MYO5B: variants seen among roughly 807,000 people sequenced by gnomAD.
The protein encoded by MYO5B is unconventional myosin-Vb.
In MYO5B, 143 loss-of-function variants were observed where a neutral mutation model predicts 229.3. The observed-to-expected ratio is 0.62, with a 90% CI of 0.54 to 0.72. MYO5B has a LOEUF of 0.72. Among genes scored for constraint, MYO5B ranks in the 30% least tolerant of loss-of-function variants. MYO5B has a pLI of 0.00. For missense variants in MYO5B, 2,321 were observed against 2,331.0 expected, an observed-to-expected ratio of 1.00 and a Z score of 0.09; for synonymous variants, 918 against 885.2, an observed-to-expected ratio of 1.04 and a Z score of -0.66.
chr18:49,974,538 A>G lies in MYO5B; in HGVS notation c.1134T>C (p.His378=). The G allele has an allele frequency of 9.3e-6, 15 of 1,614,114 alleles. No individual in the cohort carries two copies. The highest frequency in any genetic ancestry group is 1.3e-5 in the Non-Finnish European group (15 of 1,180,018). ...EHSQMEHWLC[H]RKLVTTSETY... ...TCTCCGAGGTGGTGACCAGCTTGCG[A>G]TGACACAGCCAGTGCTCCATCTGAC... Residue 378 remains histidine (H), a synonymous_variant, in exon 10 of 40, where the codon CAT becomes CAC. Transcript: ENST00000285039.
intron 1 of MYO5B, among the ~76,000 whole-genome samples, chr18:50,192,140 T>C (rs184077353): frequency 2.6e-5 from 4 of 151,692 alleles, no homozygotes; most frequent in East Asian, 1.9e-4. Flanking sequence ...GTAGAAACAA[T>C]AGCCAACACC....
At chr18:50,187,850 A>G (rs2033170172) in intron 1 of MYO5B, among the ~76,000 whole-genome samples, 1 of 152,156 alleles carries the variant, frequency 6.6e-6, no homozygotes, top group Non-Finnish European at 1.5e-5. Flanking sequence ...AGGTCATGAA[A>G]GACAAAAAAC....
chr18:49,917,988 G>A (rs1222722773), intron 17 of MYO5B, among the ~76,000 whole-genome samples: 5 of 152,198 alleles, frequency 3.3e-5, no homozygotes, highest in Admixed American at 3.3e-4. Context: ...AATATGGGAT[G>A]GGCCAGGACA....
At chr18:49,913,221 T>C (rs1378954131) in intron 17 of MYO5B, among the ~76,000 whole-genome samples, 1 of 152,234 alleles carries the variant, frequency 6.6e-6, no homozygotes, top group African/African-American at 2.4e-5. Context: ...GTTTTCCCCT[T>C]GGCCTCTGAA....
At chr18:50,012,288 T>C (rs147326159) in intron 4 of MYO5B, among the ~76,000 whole-genome samples, 124 of 152,296 alleles carry the variant, frequency 8.1e-4, no homozygotes, top group African/African-American at 2.9e-3. Flanking sequence ...GCAATTCAAA[T>C]ACCTTGTAAC....
intron 18 of MYO5B, among the ~76,000 whole-genome samples, chr18:49,909,914 C>T (rs1013179169): frequency 2.0e-5 from 3 of 152,138 alleles, no homozygotes; most frequent in African/African-American, 7.2e-5. Context: ...TAGGTAGGCT[C>T]CCCCTGCGTA....
chr18:50,188,816 A>ACCC (rs1236362807), intron 1 of MYO5B, among the ~76,000 whole-genome samples: 2 of 141,216 alleles, frequency 1.4e-5, no homozygotes, highest in African/African-American at 2.6e-5. Context: ...AAAAAAAAAA[A>ACCC]ACACACACAC....
chr18:50,046,470 C>T (rs867422212), intron 2 of MYO5B, among the ~76,000 whole-genome samples: 1 of 152,206 alleles, frequency 6.6e-6, no homozygotes, highest in Admixed American at 6.5e-5. Flanking sequence ...CTAGTTTCAG[C>T]AATCTTCAAG....
rs2032896227 is a variant in MYO5B at position 50,169,394 on chromosome 18, A to G, written c.27+25373T>C. ...GAGGACCAGGTAACATGACAGGTAGAGAAACCTGGCATACACCATCTTAAG... is the reference window on the plus strand; with the variant it reads ...GAGGACCAGGTAACATGACAGGTAGGGAAACCTGGCATACACCATCTTAAG... On this transcript the variant is annotated intron_variant, in intron 1 of 39. Coordinates refer to ENST00000285039, the MANE Select transcript of MYO5B (RefSeq NM_001080467.3). 1.6e-5 allele frequency among the ~76,000 whole-genome samples: 2 copies of G among 127,934 alleles called. 1 individual carries two copies. Among genetic ancestry groups the G allele is most frequent in the African/African-American group, 5.9e-5 (2 of 33,758 alleles). 83.9% of individuals were successfully genotyped at this position (127,934 alleles called of 152,430 possible).
At chr18:50,097,550 C>T (rs1401663327) in intron 1 of MYO5B, 1 of 276,168 alleles carries the variant, frequency 3.6e-6, no homozygotes, top group Non-Finnish European at 7.2e-6. Flanking sequence ...AACAACAACA[C>T]TCATTTAGAT....
intron 4 of MYO5B, among the ~76,000 whole-genome samples, chr18:50,030,876 GAAAAAAAAAAA>G (rs869189090): frequency 7.2e-4 from 22 of 30,494 alleles, no homozygotes; most frequent in African/African-American, 2.1e-3. Context: ...CTCCCTTTCA[GAAAAAAAAAAA>G]AAAAAAAAAA....
At chr18:50,096,543 C>A (rs1332053847) in intron 1 of MYO5B, among the ~76,000 whole-genome samples, 1 of 152,100 alleles carries the variant, frequency 6.6e-6, no homozygotes, top group Admixed American at 6.5e-5. Flanking sequence ...CTCCCAGAGC[C>A]TCCTGGATCA....
chr18:50,131,333 T>A lies in MYO5B; in HGVS notation c.27+63434A>T, dbSNP rs1217779897. ...TACCAGGAAGAAACATCCCACTCCA[T>A]CCAAGCACATTTGTACCATGAGTCT... On this transcript the variant is annotated intron_variant, in intron 1 of 39. Transcript: ENST00000285039. Among the ~76,000 whole-genome samples the A allele has an allele frequency of 2.0e-5, 3 of 152,120 alleles. No homozygotes were observed. In the East Asian group the frequency reaches 5.8e-4, roughly 29 times the overall value.
At chr18:49,908,498 G>A (rs2024924555) in intron 18 of MYO5B, among the ~76,000 whole-genome samples, 1 of 152,046 alleles carries the variant, frequency 6.6e-6, no homozygotes, top group Non-Finnish European at 1.5e-5. Flanking sequence ...GGTGACTTGA[G>A]CAAATATCAA....
At chr18:49,980,624 A>G in intron 8 of MYO5B, 71 bp from the exon 9 acceptor site, 2 of 1,172,314 alleles carry the variant, frequency 1.7e-6, no homozygotes, top group Admixed American at 3.4e-5. Context: ...TACCCCTTTT[A>G]AGGACATTTT....
chr18:50,059,553 T>C (rs1039959719), intron 1 of MYO5B, among the ~76,000 whole-genome samples: 1 of 152,192 alleles, frequency 6.6e-6, no homozygotes, highest in Admixed American at 6.5e-5. Flanking sequence ...GCAAATCTAG[T>C]AAATATTGGG....
intron 8 of MYO5B, 77 bp downstream of exon 8, chr18:49,984,641 G>T: frequency 8.6e-7 from 1 of 1,160,454 alleles, no homozygotes; most frequent in Non-Finnish European, 1.3e-6. Context: ...GGCAAGCACA[G>T]TGGGACATCG....
chr18:49,902,593 C>A lies in MYO5B; in HGVS notation c.2811+1G>T. The A allele has an allele frequency of 1.2e-6, 2 of 1,611,526 alleles. No individual in the cohort carries two copies. Among genetic ancestry groups the A allele is most frequent in the Non-Finnish European group, 1.7e-6 (2 of 1,180,018 alleles). ...CCAGGTAGGGAGCTGCAGACACTGA[C>A]CTGCTCATCGATCTTCCGCTGCAGC... On this transcript the variant is annotated splice_donor_variant, in intron 21 of 39. Transcript: ENST00000285039. LOFTEE classifies it high-confidence loss of function.
At chr18:50,045,854 A>G (rs987285568) in intron 2 of MYO5B, among the ~76,000 whole-genome samples, 30 of 152,206 alleles carry the variant, frequency 2.0e-4, no homozygotes, top group African/African-American at 6.8e-4. Flanking sequence ...TGGGCCTATG[A>G]TCCTATACTA....
Sources: gnomAD v4.1 joint callset for allele counts (sites outside exome capture counted in the v4.1 genomes callset) on GRCh38, gnomAD v4.1.1 for gene constraint, MANE v1.5 for transcripts, NCBI Gene and HGNC (gene_info 2026-07-23, HGNC 2026-07-21) for gene names.